KASH5: variants seen among roughly 807,000 people sequenced by gnomAD.
KASH5 encodes KASH domain containing 5.
A neutral mutation model predicts 84.2 loss-of-function variants in KASH5; 72 were observed. That is an observed-to-expected ratio of 0.85 (90% CI 0.71 to 1.04). KASH5 has a LOEUF of 1.04. KASH5 is among the 50% of genes least tolerant of loss of function. The pLI, the probability that KASH5 is intolerant of heterozygous loss-of-function variation, is 0.00. For synonymous variants in KASH5, 260 were observed against 279.1 expected (o/e 0.93, Z 0.68); for missense variants, 650 against 701.0 (o/e 0.93, Z 0.82).
rs772308704 is a variant in KASH5 at position 49,417,402 on chromosome 19, C to T, written c.1581C>T (p.Val527=). ...VTRHPLIPAP[V]LGLLLLLLLS... is the part of the protein sequence containing the mutation. The stretch of plus-strand genomic sequence containing the variant: ...GACATCCACTGATCCCAGCTCCTGT[C>T]CTGGGCCTGCTGCTGCTGCTGCTGC... The change falls in exon 20 of 20, where the codon GTC becomes GTT. Residue 527 remains valine (V), a synonymous_variant. Transcript: ENST00000447857. This position sits in a 1 kb window ranked among gnomAD's most constrained non-coding sequence, Gnocchi z 5.2. The T allele has an allele frequency of 5.1e-5, 79 of 1,555,162 alleles. No individual in the cohort carries two copies. The East Asian group carries it at 1.6e-3, about 32-fold the overall frequency.
intron 9 of KASH5, among the ~76,000 whole-genome samples, chr19:49,403,897 A>G (rs776751191): frequency 2.0e-5 from 3 of 152,198 alleles, no homozygotes; most frequent in Admixed American, 1.3e-4. Flanking sequence ...CAGAGCATCT[A>G]TAGATTGAGT....
In KASH5 at chr19:49,394,565, G is replaced by A. The variant is rs761614088; in HGVS notation, c.133G>A (p.Asp45Asn). ...QILNSTFEAC[D>N]PQRTGTVAVA... ...ACTCAACTCCACGTTCGAAGCTTGT[G>A]ACCCTCAGAGGACAGGTGGTGGGGG... The change falls in exon 3 of 20, where the codon GAC becomes AAC. Residue 45 changes from aspartate (D) to asparagine (N), a missense_variant. By Grantham distance (23) the Asp-to-Asn change is conservative. Transcript: ENST00000447857. The A allele has an allele frequency of 1.9e-6, 3 of 1,613,528 alleles. No individual in the cohort carries two copies. In the South Asian group the frequency reaches 3.3e-5, roughly 18 times the overall value.
intron 1 of KASH5, chr19:49,389,598 C>A (rs1973934745): frequency 6.6e-6 from 1 of 152,472 alleles, no homozygotes; most frequent in Non-Finnish European, 1.5e-5. Context: ...CTTCAAAGAC[C>A]CGTGTTTCCA....
chr19:49,390,158 T>A (rs1973955666), intron 1 of KASH5: 1 of 152,286 alleles, frequency 6.6e-6, no homozygotes, highest in Non-Finnish European at 1.5e-5. Context: ...TCCAGGCTGA[T>A]GTGGCAAGAA....
At chr19:49,411,220 G>A (rs1265181869) in intron 15 of KASH5, among the ~76,000 whole-genome samples, 1 of 152,038 alleles carries the variant, frequency 6.6e-6, no homozygotes, top group African/African-American at 2.4e-5. Context: ...TTACAGGCAT[G>A]AGCCACTGCT....
intron 10 of KASH5, 62 bp from the exon 11 acceptor site, chr19:49,407,178 G>A: frequency 6.3e-7 from 1 of 1,578,788 alleles, no homozygotes. Flanking sequence ...GGGCCAGGTG[G>A]AGGGCAGGAC....
Position 49,417,524 on chromosome 19 carries a change from C to T in KASH5, c.*14C>T. 6.6e-7 allele frequency: 1 copy of T among 1,518,110 alleles called. No individual in the cohort carries two copies. The highest frequency in any genetic ancestry group is 8.9e-7 in the Non-Finnish European group (1 of 1,128,268). 94.0% of individuals were successfully genotyped at this position (1,518,110 alleles called of 1,614,324 possible). ...CCTCCAGTGTGAGAGGCTCTACTTG[C>T]CCCTCAGAGCAGTGTCTAGCTCAAT... On this transcript the variant is annotated 3_prime_UTR_variant, in exon 20 of 20. Transcript: ENST00000447857. This position sits in a 1 kb window ranked among gnomAD's most constrained non-coding sequence, Gnocchi z 5.2.
At position 49,417,434 on chromosome 19, in the gene KASH5, T is replaced by A; in HGVS notation, c.1613T>A (p.Val538Asp). Residue 538 changes from valine (V) to aspartate (D), a missense_variant, in exon 20 of 20, where the codon GTC (valine) becomes GAC (aspartate). By Grantham distance (152) the Val-to-Asp change is radical. Coordinates refer to ENST00000447857, the MANE Select transcript of KASH5 (RefSeq NM_144688.5). This position sits in a 1 kb window ranked among gnomAD's most constrained non-coding sequence, Gnocchi z 5.2. ...LGLLLLLLLS[V>D]LLLGPSPPPT... is the part of the protein sequence containing the mutation. ...CTGCTGCTGCTGCTGCTGCTCTCTG[T>A]CCTGCTGCTTGGCCCGTCCCCACCT... 1 of 1,555,978 alleles carries A rather than the reference T, an allele frequency of 6.4e-7. No homozygotes were observed. Among genetic ancestry groups the A allele is most frequent in the Non-Finnish European group, 8.7e-7 (1 of 1,149,804 alleles).
intron 7 of KASH5, 88 bp from the exon 8 acceptor site, chr19:49,398,937 T>A: frequency 1.0e-6 from 1 of 995,604 alleles, no homozygotes; most frequent in Non-Finnish European, 1.5e-6. Context: ...GATCTCTCTG[T>A]TGCTAGTGTC....
At chr19:49,411,872 G>C (rs1191967368) in intron 15 of KASH5, among the ~76,000 whole-genome samples, 2 of 145,530 alleles carry the variant, frequency 1.4e-5, no homozygotes, top group Non-Finnish European at 3.0e-5. Context: ...TACTTGAGTG[G>C]AAGGAAGGAA....
At chr19:49,409,072 G>A (rs752219238) in intron 13 of KASH5, 41 bp downstream of exon 13, 3 of 1,579,970 alleles carry the variant, frequency 1.9e-6, no homozygotes, top group Non-Finnish European at 8.6e-7. Flanking sequence ...CAGGAGGGGA[G>A]CCTAAGGGCA....
rs1322581823 is a variant in KASH5, at chr19:49,407,639, C to T, written c.961C>T (p.Gln321Ter). The T allele has an allele frequency of 6.2e-7, 1 of 1,604,538 alleles. No homozygotes were observed. The highest frequency in any genetic ancestry group is 8.5e-7 in the Non-Finnish European group (1 of 1,175,638). The change falls in exon 12 of 20, where the codon CAG becomes TAG. Residue 321 changes from glutamine (Q) to a stop codon, truncating the protein, a stop_gained. Transcript: ENST00000447857. LOFTEE classifies it high-confidence loss of function. ...CACTCGCGATGTGGAGAGCCTGGCC[C>T]AGACCCTGGAAGAATACAGAGTGAC... ...ERTRDVESLA[Q>*]TLEEYRVTTQ...
At chr19:49,411,709 A>C (rs1313025512) in intron 15 of KASH5, among the ~76,000 whole-genome samples, 3 of 152,136 alleles carry the variant, frequency 2.0e-5, no homozygotes, top group Non-Finnish European at 2.9e-5. Flanking sequence ...CGGGCCTCTC[A>C]GTGCTCAAGG....
At chr19:49,409,629 C>T in intron 14 of KASH5, 124 bp from the exon 15 acceptor site, 6 of 1,263,510 alleles carry the variant, frequency 4.7e-6, no homozygotes, top group East Asian at 2.5e-5. Flanking sequence ...ACCCCAGCCC[C>T]ACACCAGCCC....
intron 9 of KASH5, among the ~76,000 whole-genome samples, chr19:49,400,427 G>A (rs955944143): frequency 1.2e-4 from 17 of 147,134 alleles, no homozygotes; most frequent in African/African-American, 3.5e-4. Flanking sequence ...GTGGAATGGC[G>A]CGATCTTACC....
chr19:49,415,351 C>G, intron 17 of KASH5: 1 of 364,786 alleles, frequency 2.7e-6, no homozygotes, highest in East Asian at 6.8e-5. Flanking sequence ...GCCGGCCCTC[C>G]CCAGCCAGCC....
intron 12 of KASH5, among the ~76,000 whole-genome samples, chr19:49,408,033 A>C (rs987142282): frequency 6.6e-6 from 1 of 151,892 alleles, no homozygotes; most frequent in Admixed American, 6.6e-5. Context: ...GTCCTGCCTC[A>C]GCTTCCCAAA....
rs1193594207 is a variant in KASH5, at chr19:49,417,283, C to T, written c.1547+17C>T. The T allele has an allele frequency of 6.9e-6, 11 of 1,605,650 alleles. No individual in the cohort carries two copies. Among genetic ancestry groups the T allele is most frequent in the Non-Finnish European group, 7.7e-6 (9 of 1,176,136 alleles). ...GCGGCTCAGGTGTGCCCCCAGGCGT[C>T]TCCAGAAGGAAGGAGGTGGTCTGAC... On this transcript the variant is annotated intron_variant, in intron 19 of 19. Transcript: ENST00000447857. This position sits in a 1 kb window ranked among gnomAD's most constrained non-coding sequence, Gnocchi z 5.2.
chr19:49,412,731 G>A lies in KASH5; in HGVS notation c.1270-237G>A, dbSNP rs926321361. On this transcript the variant is annotated intron_variant, in intron 15 of 19. Coordinates refer to ENST00000447857, the MANE Select transcript of KASH5 (RefSeq NM_144688.5). This position sits in a 1 kb window ranked among gnomAD's most constrained non-coding sequence, Gnocchi z 4.6. ...TCAGGGAAGGGGGCTTGGTGGCATCGAGAACAACCCTTTGGTTTTTGGCTT... is the reference window on the plus strand; with the variant it reads ...TCAGGGAAGGGGGCTTGGTGGCATCAAGAACAACCCTTTGGTTTTTGGCTT... Among the ~76,000 whole-genome samples the A allele has an allele frequency of 2.6e-5, 4 of 152,162 alleles. No homozygotes were observed. The highest frequency in any genetic ancestry group is 4.4e-5 in the Non-Finnish European group (3 of 68,032).
Sources: gnomAD v4.1 joint callset for allele counts (sites outside exome capture counted in the v4.1 genomes callset) on GRCh38, gnomAD v4.1.1 for gene constraint, Gnocchi (gnomAD v3.1) non-coding constraint, MANE v1.5 for transcripts, NCBI Gene and HGNC (gene_info 2026-07-23, HGNC 2026-07-21) for gene names.